ATRNL1: variants seen among roughly 807,000 people sequenced by gnomAD.
ATRNL1 encodes the protein attractin-like protein 1.
Under a neutral mutation model 182.7 loss-of-function variants are expected in ATRNL1, and 95 were observed. The ratio of observed to expected loss-of-function variants is 0.52; its 90% confidence interval spans 0.44 to 0.62. ATRNL1 has a LOEUF of 0.62. ATRNL1 is among the 20% of genes least tolerant of loss of function. The pLI is 0.00. For missense variants in ATRNL1, 1,471 were observed against 1,679.5 expected (o/e 0.88, Z 2.17); for synonymous variants, 576 against 568.3 (o/e 1.01, Z -0.19).
intron 20 of ATRNL1, among the ~76,000 whole-genome samples, chr10:115,414,731 A>G (rs1845306956): frequency 6.6e-6 from 1 of 151,792 alleles, no homozygotes; most frequent in African/African-American, 2.4e-5. Context: ...ATTTATATAT[A>G]TAGTTATTAT....
At chr10:115,572,170 A>G (rs781996023) in intron 26 of ATRNL1, among the ~76,000 whole-genome samples, 4 of 152,192 alleles carry the variant, frequency 2.6e-5, no homozygotes, top group African/African-American at 9.6e-5. Flanking sequence ...ATTTAATTGT[A>G]CATTACAGTA....
chr10:115,535,584 G>A (rs1851927841), intron 25 of ATRNL1, among the ~76,000 whole-genome samples: 2 of 152,124 alleles, frequency 1.3e-5, no homozygotes, highest in Admixed American at 6.5e-5. Flanking sequence ...CAGTTTGATT[G>A]TCTGAAGCCT....
intron 8 of ATRNL1, among the ~76,000 whole-genome samples, chr10:115,187,174 A>T (rs886988871): frequency 0.027 from 3,833 of 141,862 alleles, 152 homozygotes; most frequent in African/African-American, 0.095. Flanking sequence ...TCTGGGAATA[A>T]TTTTTTTTTT....
At chr10:115,225,262 C>T (rs1422597434) in intron 9 of ATRNL1, among the ~76,000 whole-genome samples, 2 of 151,460 alleles carry the variant, frequency 1.3e-5, no homozygotes, top group Admixed American at 1.3e-4. Context: ...TAAAATTTAT[C>T]ATGTATTTAT....
At chr10:115,742,386 T>G (rs2804174) in intron 27 of ATRNL1, among the ~76,000 whole-genome samples, 148,209 of 152,218 alleles carry the variant, frequency 0.97, 72,269 homozygotes, top group Middle Eastern at 1. Flanking sequence ...AAGATGAAAG[T>G]ACATTTTGAG....
At chr10:115,941,014 C>T (rs1953715526) in intron 28 of ATRNL1, among the ~76,000 whole-genome samples, 1 of 152,100 alleles carries the variant, frequency 6.6e-6, no homozygotes, top group African/African-American at 2.4e-5. Context: ...CAGTAAAGGA[C>T]CTAAGCCAAA....
At chr10:115,281,553 C>T in intron 14 of ATRNL1, 66 bp downstream of exon 14, 2 of 1,476,606 alleles carry the variant, frequency 1.4e-6, no homozygotes, top group Non-Finnish European at 9.3e-7. Context: ...TAGAAAAGTA[C>T]ATTTAGTAAG....
intron 20 of ATRNL1, among the ~76,000 whole-genome samples, chr10:115,419,952 C>G (rs544285621): frequency 7.9e-5 from 12 of 151,908 alleles, no homozygotes; most frequent in African/African-American, 2.4e-4. Flanking sequence ...TTCGGTCTAA[C>G]AGCTGCAGAA....
chr10:115,310,744 A>C (rs1463172961), intron 17 of ATRNL1, among the ~76,000 whole-genome samples: 1 of 152,162 alleles, frequency 6.6e-6, no homozygotes, highest in South Asian at 2.1e-4. Flanking sequence ...CTAATGGTCT[A>C]TCAATTTTAT....
chr10:115,466,940 C>A (rs531815428), intron 22 of ATRNL1, among the ~76,000 whole-genome samples: 1 of 150,992 alleles, frequency 6.6e-6, no homozygotes, highest in African/African-American at 2.4e-5. Flanking sequence ...GGCTTACATA[C>A]AAAAGACCAA....
intron 19 of ATRNL1, among the ~76,000 whole-genome samples, chr10:115,336,349 A>G (rs1337653311): frequency 6.6e-6 from 1 of 152,206 alleles, no homozygotes; most frequent in African/African-American, 2.4e-5. Context: ...GGAATCCACA[A>G]AATTTAGGGT....
rs141512914 is a variant in ATRNL1 at position 115,877,874 on chromosome 10, C to A, written c.4018+29883C>A. Among the ~76,000 whole-genome samples the A allele has an allele frequency of 1.1e-4, 17 of 152,348 alleles. No homozygotes were observed. The East Asian group carries it at 3.3e-3, about 29-fold the overall frequency. On this transcript the variant is annotated intron_variant, in intron 28 of 28. Transcript: ENST00000355044. Reference sequence around the variant, plus strand: ...CTAAGTCCAAGAAAATTCCTAAGCACCGTGCTAGGCACTAATGCCAAACGG... The same window carrying A: ...CTAAGTCCAAGAAAATTCCTAAGCAACGTGCTAGGCACTAATGCCAAACGG...
At chr10:115,411,847 T>C (rs1219051334) in intron 20 of ATRNL1, among the ~76,000 whole-genome samples, 1 of 152,182 alleles carries the variant, frequency 6.6e-6, no homozygotes, top group Admixed American at 6.5e-5. Flanking sequence ...TTCATGTTCA[T>C]ACCTCAAGTA....
chr10:115,897,178 A>G (rs1952229461), intron 28 of ATRNL1, among the ~76,000 whole-genome samples: 1 of 151,662 alleles, frequency 6.6e-6, no homozygotes, highest in African/African-American at 2.4e-5. Flanking sequence ...GGCCTATATG[A>G]ACATGAAAAT....
At chr10:115,684,714 T>C (rs1446894707) in intron 26 of ATRNL1, among the ~76,000 whole-genome samples, 1 of 151,682 alleles carries the variant, frequency 6.6e-6, no homozygotes, top group Non-Finnish European at 1.5e-5. Flanking sequence ...CTACAAAAAT[T>C]AGAATGACTG....
intron 26 of ATRNL1, among the ~76,000 whole-genome samples, chr10:115,660,668 C>T (rs781898312): frequency 1.8e-4 from 27 of 151,982 alleles, no homozygotes; most frequent in Non-Finnish European, 1.3e-4. Context: ...TTGATTGAGA[C>T]AGTTTCCATG....
Position 115,565,495 on chromosome 10 carries a change from A to G in ATRNL1, c.3795+15959A>G, listed in dbSNP as rs181413120. 1.5e-3 allele frequency among the ~76,000 whole-genome samples: 229 copies of G among 152,224 alleles called. 1 individual carries two copies. The highest frequency in any genetic ancestry group is 5.2e-3 in the African/African-American group (218 of 41,576). On this transcript the variant is annotated intron_variant, in intron 26 of 28. Transcript: ENST00000355044. ...TGTTATGCAAGTATACATTTGTACC[A>G]TGTTATTGTGTTGAGTAATGGTACA...
At chr10:115,903,656 C>A (rs1344619491) in intron 28 of ATRNL1, among the ~76,000 whole-genome samples, 1 of 152,114 alleles carries the variant, frequency 6.6e-6, no homozygotes, top group African/African-American at 2.4e-5. Context: ...AATACCTTCT[C>A]CTGTCTTGGG....
chr10:115,200,610 C>G (rs2144298853), intron 8 of ATRNL1, among the ~76,000 whole-genome samples: 1 of 140,438 alleles, frequency 7.1e-6, no homozygotes, highest in East Asian at 2.0e-4. Context: ...GCCACATTTT[C>G]TTAATCCAGT....
Sources: allele counts gnomAD v4.1 joint callset (sites outside exome capture counted in the v4.1 genomes callset), GRCh38; gene constraint gnomAD v4.1.1; transcripts MANE v1.5; gene names NCBI Gene and HGNC (gene_info 2026-07-23, HGNC 2026-07-21).